The following LCP2 variants were observed in gnomAD, a reference collection of about 807,000 sequenced individuals.
LCP2 encodes the protein 76 kDa tyrosine phosphoprotein.
A neutral mutation model predicts 74.5 loss-of-function variants in LCP2; 29 were observed. The observed-to-expected ratio is 0.39, with a 90% CI of 0.29 to 0.53. The LOEUF is 0.53. Ranked by LOEUF, LCP2 falls within the 20% of genes least tolerant of loss-of-function variation. The pLI, the probability that LCP2 is intolerant of heterozygous loss-of-function variation, is 0.72. For missense variants in LCP2, 604 were observed against 634.6 expected (o/e 0.95, Z 0.52); for synonymous variants, 228 against 229.5 (o/e 0.99, Z 0.06).
intron 3 of LCP2, among the ~76,000 whole-genome samples, chr5:170,282,771 A>AGAGCT (rs1762125878): frequency 6.6e-6 from 1 of 152,198 alleles, no homozygotes. Context: ...TGAGGCTCGG[A>AGAGCT]GAGCTGAGCT....
At position 170,257,963 on chromosome 5, in the gene LCP2, T is replaced by C. The variant is rs573104071; in HGVS notation, c.1100+74A>G. The C allele has an allele frequency of 1.3e-5, 19 of 1,499,712 alleles. No individual in the cohort carries two copies. In the East Asian group the frequency reaches 4.1e-4, roughly 32 times the overall value. The allele number at this position is 1,499,712 out of a possible 1,614,324, so 92.9% of individuals were successfully genotyped here. A position where few individuals can be genotyped will look rare whatever the true frequency, so the allele number is the denominator to read the frequency against. On this transcript the variant is annotated intron_variant, in intron 16 of 20. Coordinates refer to ENST00000046794, the MANE Select transcript of LCP2 (RefSeq NM_005565.5). ...CCCGTCATTTCCTTCTTTCTCAATC[T>C]GCCTGGCATTACTTCAGTACTGGAT... is the stretch of plus-strand genomic sequence containing the variant.
At chr5:170,267,191 A>T (rs750334942) in intron 8 of LCP2, 116 bp from the exon 9 acceptor site, 5 of 1,022,304 alleles carry the variant, frequency 4.9e-6, no homozygotes, top group Non-Finnish European at 7.5e-6. Context: ...GCCTACAAAC[A>T]TCCATGTCCA....
At chr5:170,287,810 G>A in intron 3 of LCP2, 160 bp downstream of exon 3, 1 of 684,304 alleles carries the variant, frequency 1.5e-6, no homozygotes, top group Non-Finnish European at 2.6e-6. Context: ...AGCTCTTCAT[G>A]TAACTTCTGT....
In LCP2 at chr5:170,250,712, G is replaced by A. The variant is rs368014717; in HGVS notation, c.1479+18C>T. On this transcript the variant is annotated intron_variant, in intron 20 of 20. Coordinates refer to ENST00000046794, the MANE Select transcript of LCP2 (RefSeq NM_005565.5). Reference sequence around the variant, plus strand: ...TAAATAAAGACTTTGGGAAAATGTCGAAATTTGAAATCCTTACCTCTTTCC... The same window carrying A: ...TAAATAAAGACTTTGGGAAAATGTCAAAATTTGAAATCCTTACCTCTTTCC... 103 of 1,608,490 alleles carry A rather than the reference G, an allele frequency of 6.4e-5. No individual in the cohort carries two copies. Among genetic ancestry groups the A allele is most frequent in the Middle Eastern group, 1.6e-4 (1 of 6,078 alleles).
intron 5 of LCP2, among the ~76,000 whole-genome samples, chr5:170,274,750 G>A (rs1374106817): frequency 6.6e-6 from 1 of 152,136 alleles, no homozygotes; most frequent in African/African-American, 2.4e-5. Context: ...GCCAAGGCGG[G>A]CAGATCATGA....
At chr5:170,272,577 T>C (rs1761912653) in intron 6 of LCP2, among the ~76,000 whole-genome samples, 1 of 139,980 alleles carries the variant, frequency 7.1e-6, no homozygotes, top group Non-Finnish European at 1.5e-5. Flanking sequence ...CGGTTATAAC[T>C]GTAACCCATC....
chr5:170,282,722 T>G (rs1762124977), intron 3 of LCP2, among the ~76,000 whole-genome samples: 1 of 152,178 alleles, frequency 6.6e-6, no homozygotes, highest in African/African-American at 2.4e-5. Context: ...CCCTCTGAGG[T>G]AGGTTCTATC....
chr5:170,266,735 G>A, intron 10 of LCP2, 73 bp downstream of exon 10: 5 of 1,253,258 alleles, frequency 4.0e-6, no homozygotes, highest in Non-Finnish European at 5.9e-6. Context: ...GATGGTACAT[G>A]TGAAACGTAT....
intron 2 of LCP2, among the ~76,000 whole-genome samples, chr5:170,289,483 C>T (rs1259900004): frequency 6.6e-6 from 1 of 152,184 alleles, no homozygotes; most frequent in Non-Finnish European, 1.5e-5. Context: ...GGCATGGTTT[C>T]TGATCTGGAC....
chr5:170,270,448 C>A, intron 7 of LCP2: 1 of 390,984 alleles, frequency 2.6e-6, no homozygotes, highest in Non-Finnish European at 4.5e-6. Flanking sequence ...ATATCAGCCA[C>A]CATAGGCAAG....
intron 7 of LCP2, among the ~76,000 whole-genome samples, chr5:170,269,347 T>C (rs1761849086): frequency 6.6e-6 from 1 of 152,210 alleles, no homozygotes; most frequent in Non-Finnish European, 1.5e-5. Flanking sequence ...TTACGCTTTG[T>C]GCCCTGGGTG....
At chr5:170,251,925 A>T (rs1761453579) in intron 19 of LCP2, 1 of 247,996 alleles carries the variant, frequency 4.0e-6, no homozygotes, top group Non-Finnish European at 8.5e-6. Context: ...TCTGATAAAT[A>T]AATCTAAGGT....
At chr5:170,268,302 G>T in intron 8 of LCP2, 83 bp downstream of exon 8, 3 of 212,410 alleles carry the variant, frequency 1.4e-5, no homozygotes, top group Non-Finnish European at 1.9e-5. Flanking sequence ...AGATAAAGAT[G>T]TTTATAGTTT....
Position 170,268,412 on chromosome 5 carries a change from C to T in LCP2, c.594G>A (p.Pro198=). The T allele has an allele frequency of 3.6e-6, 2 of 560,644 alleles. No individual in the cohort carries two copies. Among genetic ancestry groups the T allele is most frequent in the Non-Finnish European group, 2.2e-6 (1 of 448,118 alleles). The allele number at this position is 560,644 out of a possible 1,614,324, so 34.7% of individuals were successfully genotyped here. ...AGTGATTCCGGCCGGCTGGTGGGGG[C>T]GGGAGGGCGGCCATCGGTCTCTGGG... ...VPPQRPMAAL[P]PPPAGRNHSP... is the part of the protein sequence containing the mutation. Residue 198 remains proline, a synonymous_variant, in exon 8 of 21, where the codon CCG becomes CCA. Coordinates refer to ENST00000046794, the MANE Select transcript of LCP2 (RefSeq NM_005565.5).
chr5:170,255,309 A>C (rs1371478339), intron 17 of LCP2, among the ~76,000 whole-genome samples: 1 of 152,182 alleles, frequency 6.6e-6, no homozygotes, highest in Non-Finnish European at 1.5e-5. Flanking sequence ...TGATGCATCC[A>C]ACTGAATACC....
At chr5:170,253,060 TG>T (rs754713285) in intron 18 of LCP2, 58 bp downstream of exon 18, 1 of 1,045,786 alleles carries the variant, frequency 9.6e-7, no homozygotes, top group Non-Finnish European at 1.5e-6. Context: ...TGGGAGTTTC[TG>T]GTGATTCTTT....
intron 19 of LCP2, chr5:170,251,248 T>G (rs560673953): frequency 4.7e-6 from 1 of 211,114 alleles, no homozygotes; most frequent in South Asian, 7.2e-5. Flanking sequence ...TCAAGATATA[T>G]CTTCCTAGTA....
At chr5:170,282,356 G>A (rs897974465) in intron 3 of LCP2, among the ~76,000 whole-genome samples, 3 of 152,222 alleles carry the variant, frequency 2.0e-5, no homozygotes, top group Non-Finnish European at 2.9e-5. Context: ...TTGAACGCCT[G>A]TAAGTATCCA....
chr5:170,247,544 C>T lies in LCP2; in HGVS notation c.*1153G>A, dbSNP rs1761326417. 4 of 152,172 alleles carry T rather than the reference C, an allele frequency of 2.6e-5. No homozygotes were observed. The highest frequency in any genetic ancestry group is 2.6e-4 in the Admixed American group (4 of 15,280). The allele number at this position is 152,172 out of a possible 1,614,324, so 9.4% of individuals were successfully genotyped here. A position where few individuals can be genotyped will look rare whatever the true frequency, so the allele number is the denominator to read the frequency against. ...ACAACCAAGGTCCCAAAGGGAAAAACTTGAAGAACAACTGATTGTCACTAT... is the reference window on the plus strand; with the variant it reads ...ACAACCAAGGTCCCAAAGGGAAAAATTTGAAGAACAACTGATTGTCACTAT... On this transcript the variant is annotated 3_prime_UTR_variant, in exon 21 of 21. Transcript: ENST00000046794.
Sources: gnomAD v4.1 joint callset for allele counts (sites outside exome capture counted in the v4.1 genomes callset) on GRCh38, gnomAD v4.1.1 for gene constraint, MANE v1.5 for transcripts, NCBI Gene and HGNC (gene_info 2026-07-23, HGNC 2026-07-21) for gene names.